Variants in AXIN1 observed in about 807,000 individuals in gnomAD.
AXIN1 encodes axin 1, also known as axin-1.
AXIN1 carries 30 observed loss-of-function variants against 76.4 expected under a neutral mutation model. The ratio of observed to expected loss-of-function variants is 0.39; its 90% CI spans 0.29 to 0.53. The LOEUF is 0.53. Among genes scored for constraint, AXIN1 ranks in the 20% least tolerant of loss-of-function variants. The pLI is 0.66. For synonymous variants in AXIN1, 545 were observed against 501.4 expected (o/e 1.09, Z -1.16); for missense variants, 1,140 against 1,198.8 (o/e 0.95, Z 0.72).
chr16:345,051 T>C (rs2054006422), intron 2 of AXIN1, among the ~76,000 whole-genome samples: 1 of 151,664 alleles, frequency 6.6e-6, no homozygotes, highest in African/African-American at 2.4e-5. Flanking sequence ...AGGGAAAGAG[T>C]GGGAAATGCA....
In AXIN1 at chr16:312,023, G is replaced by A. The variant is rs116123226; in HGVS notation, c.1020-1954C>T. 1.8e-3 allele frequency among the ~76,000 whole-genome samples: 276 copies of A among 152,306 alleles called. 2 individuals carry two copies. The highest frequency in any genetic ancestry group is 6.2e-3 in the African/African-American group (258 of 41,570). ...CAGCCACGGTGGGCGTCAGGAACAAGTGAATCTAAAACTCACCTAACACTT... is the reference window on the plus strand; with the variant it reads ...CAGCCACGGTGGGCGTCAGGAACAAATGAATCTAAAACTCACCTAACACTT... On this transcript the variant is annotated intron_variant, in intron 3 of 10. Coordinates refer to ENST00000262320, the MANE Select transcript of AXIN1 (RefSeq NM_003502.4).
rs1187459071 is a variant in AXIN1 at position 326,354 on chromosome 16, CA to C, written c.879-11672del. ...GGGCAACAAGAGCAAAACTCCGTCT[CA>C]AAAAAAAAAAAAAAAAAATATATAT... On this transcript the variant is annotated intron_variant, in intron 2 of 10. Transcript: ENST00000262320. Among the ~76,000 whole-genome samples, 564 of 64,164 alleles carry C rather than the reference CA, an allele frequency of 8.8e-3. 3 individuals carry two copies. Among genetic ancestry groups the C allele is most frequent in the East Asian group, 0.055 (143 of 2,608 alleles). 42.1% of individuals were successfully genotyped at this position (64,164 alleles called of 152,430 possible).
chr16:290,771 C>G (rs1417091711), intron 9 of AXIN1: 1 of 352,748 alleles, frequency 2.8e-6, no homozygotes, highest in African/African-American at 2.1e-5. Context: ...GGCTGAGACC[C>G]ACACTGCAAG....
chr16:309,278 G>A (rs1412346914), intron 4 of AXIN1, among the ~76,000 whole-genome samples: 4 of 145,030 alleles, frequency 2.8e-5, no homozygotes, highest in Non-Finnish European at 4.5e-5. Flanking sequence ...TGCAGTGACA[G>A]CAAAACTCCT....
At chr16:323,755 G>A (rs532952122) in intron 2 of AXIN1, among the ~76,000 whole-genome samples, 1 of 150,706 alleles carries the variant, frequency 6.6e-6, no homozygotes, top group African/African-American at 2.5e-5. Context: ...ACTCCAGCCT[G>A]GGCAACAGAG....
At position 352,657 on chromosome 16, in the gene AXIN1, G is replaced by A. The variant is rs1173528654; in HGVS notation, c.-370C>T. The A allele has an allele frequency of 6.4e-6, 1 of 156,550 alleles. No homozygotes were observed. The highest frequency in any genetic ancestry group is 1.4e-5 in the Non-Finnish European group (1 of 71,324). The allele number at this position is 156,550 out of a possible 1,614,324, so 9.7% of individuals were successfully genotyped here. A position where few individuals can be genotyped will look rare whatever the true frequency, so the allele number is the denominator to read the frequency against. On this transcript the variant is annotated 5_prime_UTR_variant, in exon 1 of 11. Coordinates refer to ENST00000262320, the MANE Select transcript of AXIN1 (RefSeq NM_003502.4). Reference sequence around the variant, plus strand: ...GCGGCAGCGGCCACGATCGCCTCCCGAGCCAGAGCCCGAGCCAGAGCGCCG... The same window carrying A: ...GCGGCAGCGGCCACGATCGCCTCCCAAGCCAGAGCCCGAGCCAGAGCGCCG...
At chr16:350,628 T>C (rs559084042) in intron 1 of AXIN1, among the ~76,000 whole-genome samples, 6 of 152,360 alleles carry the variant, frequency 3.9e-5, no homozygotes, top group Non-Finnish European at 5.9e-5. Context: ...CAGCTGTCCA[T>C]TGATTTAACT....
rs187635057 is a variant in AXIN1 at position 320,945 on chromosome 16, G to A, written c.879-6262C>T. Among the ~76,000 whole-genome samples, 424 of 151,820 alleles carry A rather than the reference G, an allele frequency of 2.8e-3. 3 individuals carry two copies. Among genetic ancestry groups the A allele is most frequent in the South Asian group, 0.024 (117 of 4,800 alleles). On this transcript the variant is annotated intron_variant, in intron 2 of 10. Coordinates refer to ENST00000262320, the MANE Select transcript of AXIN1 (RefSeq NM_003502.4). Reference sequence around the variant, plus strand: ...AGTAGAGACAAGGTTTCGCCGTGTTGGTCAGGCTGGTCTCGAACGCCTGAC... The same window carrying A: ...AGTAGAGACAAGGTTTCGCCGTGTTAGTCAGGCTGGTCTCGAACGCCTGAC...
At chr16:344,085 T>C (rs1046439833) in intron 2 of AXIN1, among the ~76,000 whole-genome samples, 7 of 151,632 alleles carry the variant, frequency 4.6e-5, no homozygotes, top group African/African-American at 1.7e-4. Flanking sequence ...TTGCGGCATA[T>C]TGTGTCCTAA....
chr16:293,205 T>C lies in AXIN1; in HGVS notation c.2186+283A>G. On this transcript the variant is annotated intron_variant, in intron 8 of 10. Transcript: ENST00000262320. This position sits in a 1 kb window ranked among gnomAD's most constrained non-coding sequence, Gnocchi z 4.6. ...CCCCACACACTGGGGCCCTGCAGCC[T>C]CCCTGCAGACTGGGCTCAGGTTGAG... The C allele has an allele frequency of 1.9e-6, 1 of 516,336 alleles. No individual in the cohort carries two copies. 32.0% of individuals were successfully genotyped at this position (516,336 alleles called of 1,614,324 possible).
In AXIN1 at chr16:293,194, G is replaced by T. The variant is rs911432734; in HGVS notation, c.2186+294C>A. 1.4e-5 allele frequency: 7 copies of T among 509,908 alleles called. No homozygotes were observed. Among genetic ancestry groups the T allele is most frequent in the Non-Finnish European group, 2.5e-5 (7 of 281,800 alleles). 31.6% of individuals were successfully genotyped at this position (509,908 alleles called of 1,614,324 possible). A position where few individuals can be genotyped will look rare whatever the true frequency, so the allele number is the denominator to read the frequency against. Reference sequence around the variant, plus strand: ...GGACCGGCGTTCCCCACACACTGGGGCCCTGCAGCCTCCCTGCAGACTGGG... The same window carrying T: ...GGACCGGCGTTCCCCACACACTGGGTCCCTGCAGCCTCCCTGCAGACTGGG... On this transcript the variant is annotated intron_variant, in intron 8 of 10. Transcript: ENST00000262320. This position sits in a 1 kb window ranked among gnomAD's most constrained non-coding sequence, Gnocchi z 4.6.
intron 5 of AXIN1, among the ~76,000 whole-genome samples, chr16:303,157 G>A (rs879569356): frequency 3.3e-5 from 5 of 152,078 alleles, no homozygotes; most frequent in African/African-American, 4.8e-5. Context: ...CTGCCCGCCC[G>A]GCCAGCAAAG....
chr16:329,996 G>C (rs2053662428), intron 2 of AXIN1, among the ~76,000 whole-genome samples: 1 of 151,544 alleles, frequency 6.6e-6, no homozygotes, highest in Admixed American at 6.6e-5. Context: ...TCAAACTCCT[G>C]ACCTCGTGAT....
chr16:304,142 C>G (rs559641914), intron 5 of AXIN1, among the ~76,000 whole-genome samples, 162 bp downstream of exon 5: 1 of 152,186 alleles, frequency 6.6e-6, no homozygotes, highest in Non-Finnish European at 1.5e-5. Context: ...AGCTGGGGCT[C>G]GGCTGCAGAG....
intron 2 of AXIN1, among the ~76,000 whole-genome samples, chr16:322,618 G>A (rs1218648600): frequency 6.6e-6 from 1 of 152,218 alleles, no homozygotes; most frequent in Non-Finnish European, 1.5e-5. Context: ...AGACTCGGGT[G>A]TGCGTCTGCC....
chr16:349,613 G>A (rs191282054), intron 1 of AXIN1, among the ~76,000 whole-genome samples: 3 of 152,244 alleles, frequency 2.0e-5, no homozygotes, highest in South Asian at 4.1e-4. Flanking sequence ...TTAATTATTG[G>A]TAGTAGCGGG....
chr16:289,831 C>G, intron 9 of AXIN1: 1 of 622,084 alleles, frequency 1.6e-6, no homozygotes, highest in Non-Finnish European at 2.8e-6. Context: ...GAAGGTCTCC[C>G]TGCTGCCTCA....
At chr16:308,236 G>A (rs1318946909) in intron 4 of AXIN1, among the ~76,000 whole-genome samples, 1 of 152,172 alleles carries the variant, frequency 6.6e-6, no homozygotes, top group Non-Finnish European at 1.5e-5. Flanking sequence ...CCTCGGTTCT[G>A]GAAGGTTCTG....
intron 4 of AXIN1, among the ~76,000 whole-genome samples, chr16:307,909 G>A (rs1003227310): frequency 2.6e-5 from 4 of 152,202 alleles, no homozygotes; most frequent in South Asian, 2.1e-4. Flanking sequence ...AGCAGGCCCC[G>A]GGCAGCTGTG....
Sources: gnomAD v4.1 joint callset for allele counts (sites outside exome capture counted in the v4.1 genomes callset) on GRCh38, gnomAD v4.1.1 for gene constraint, Gnocchi (gnomAD v3.1) non-coding constraint, MANE v1.5 for transcripts, NCBI Gene and HGNC (gene_info 2026-07-23, HGNC 2026-07-21) for gene names.